Variants in PAN3 observed in about 807,000 individuals in gnomAD.
The protein encoded by PAN3 is PAN2-PAN3 deadenylation complex subunit PAN3.
PAN3 carries 19 observed loss-of-function variants against 96.2 expected under a neutral mutation model. The ratio of observed to expected loss-of-function variants is 0.20; its 90% CI spans 0.14 to 0.29. The LOEUF (loss-of-function observed/expected upper bound fraction) is 0.29. Ranked by LOEUF, PAN3 falls within the 10% of genes least tolerant of loss-of-function variation. PAN3 has a pLI of 1.00. For synonymous variants in PAN3, 433 were observed against 406.6 expected, an observed-to-expected ratio of 1.06 and a Z score of -0.78; for missense variants, 882 against 1,108.1, an observed-to-expected ratio of 0.80 and a Z score of 2.90.
chr13:28,144,200 TA>T lies in PAN3; in HGVS notation c.430+5115del, dbSNP rs775667139. ...TCTATAAGGTAATACTTGGTTTCGA[TA>T]AGTTTTTTTGTTTTTTTTTTTTTTT... is the stretch of plus-strand genomic sequence containing the variant. On this transcript the variant is annotated intron_variant, in intron 1 of 18. Coordinates refer to ENST00000380958, the MANE Select transcript of PAN3 (RefSeq NM_175854.8). 2.3e-3 allele frequency among the ~76,000 whole-genome samples: 335 copies of T among 148,156 alleles called. 1 individual carries two copies. Among genetic ancestry groups the T allele is most frequent in the African/African-American group, 7.8e-3 (311 of 39,830 alleles).
chr13:28,154,541 G>T (rs1370817945), intron 1 of PAN3, among the ~76,000 whole-genome samples: 1 of 151,956 alleles, frequency 6.6e-6, no homozygotes, highest in African/African-American at 2.4e-5. Flanking sequence ...GTCGCCCAGG[G>T]TGGAGTACAA....
At chr13:28,280,648 G>A in intron 16 of PAN3, 107 bp downstream of exon 16, 1 of 1,045,940 alleles carries the variant, frequency 9.6e-7, no homozygotes, top group Non-Finnish European at 1.3e-6. Flanking sequence ...TGTAACCTCT[G>A]CCTCCTGGGT....
intron 1 of PAN3, among the ~76,000 whole-genome samples, chr13:28,144,607 G>A (rs1229409292): frequency 4.6e-5 from 7 of 151,900 alleles, no homozygotes; most frequent in Admixed American, 2.0e-4. Flanking sequence ...CTGTAAAAGT[G>A]CATTTGATGA....
intron 6 of PAN3, among the ~76,000 whole-genome samples, chr13:28,244,667 T>C (rs1463231707): frequency 6.6e-6 from 1 of 152,144 alleles, no homozygotes; most frequent in Non-Finnish European, 1.5e-5. Flanking sequence ...CATTTTTCAG[T>C]GTCTAATGGT....
chr13:28,241,710 G>A (rs1040720955), intron 6 of PAN3, among the ~76,000 whole-genome samples: 1 of 152,162 alleles, frequency 6.6e-6, no homozygotes, highest in African/African-American at 2.4e-5. Flanking sequence ...GGCTATAAGT[G>A]TGTATTCTTT....
chr13:28,175,135 A>ATTTT (rs1453684533), intron 2 of PAN3, among the ~76,000 whole-genome samples: 1 of 152,240 alleles, frequency 6.6e-6, no homozygotes, highest in African/African-American at 2.4e-5. Context: ...CTGCCATAAT[A>ATTTT]GTAAAGGCAA....
chr13:28,195,081 A>G (rs968560673), intron 4 of PAN3, among the ~76,000 whole-genome samples: 1 of 152,152 alleles, frequency 6.6e-6, no homozygotes, highest in Non-Finnish European at 1.5e-5. Flanking sequence ...TTGGTTCAAG[A>G]TTGCATAAAG....
intron 4 of PAN3, among the ~76,000 whole-genome samples, chr13:28,193,753 A>AC (rs892723485): frequency 1.3e-5 from 2 of 149,860 alleles, no homozygotes; most frequent in Non-Finnish European, 3.0e-5. Flanking sequence ...AAAAAAAAAA[A>AC]AAACCCAAGA....
At chr13:28,281,945 A>G (rs1278546191) in intron 17 of PAN3, among the ~76,000 whole-genome samples, 28 of 151,896 alleles carry the variant, frequency 1.8e-4, no homozygotes. Flanking sequence ...TAATTTTTGT[A>G]TTTTTAGTGG....
intron 14 of PAN3, among the ~76,000 whole-genome samples, chr13:28,275,691 C>T (rs1455360037): frequency 6.6e-6 from 1 of 152,118 alleles, no homozygotes; most frequent in East Asian, 1.9e-4. Context: ...TGGAGTTCAT[C>T]ACAGTGTCCT....
chr13:28,263,201 T>C (rs1220240756), intron 9 of PAN3, among the ~76,000 whole-genome samples: 3 of 152,226 alleles, frequency 2.0e-5, no homozygotes, highest in Non-Finnish European at 4.4e-5. Context: ...ACTAAATCAA[T>C]GTGGTGATAG....
At chr13:28,287,371 G>A (rs45561942) in intron 17 of PAN3, among the ~76,000 whole-genome samples, 2 of 152,176 alleles carry the variant, frequency 1.3e-5, no homozygotes, top group East Asian at 1.9e-4. Flanking sequence ...AGCCAGGCGC[G>A]GCCCTAGATA....
At chr13:28,149,076 G>A (rs1393485681) in intron 1 of PAN3, among the ~76,000 whole-genome samples, 1 of 151,990 alleles carries the variant, frequency 6.6e-6, no homozygotes, top group African/African-American at 2.4e-5. Flanking sequence ...AACACTGTGT[G>A]GGGTGTGGCG....
chr13:28,218,877 C>A (rs1000881615), intron 5 of PAN3, among the ~76,000 whole-genome samples: 1 of 152,130 alleles, frequency 6.6e-6, no homozygotes, highest in East Asian at 1.9e-4. Context: ...CTGAAGTCCA[C>A]GTCTCTAGGC....
intron 6 of PAN3, among the ~76,000 whole-genome samples, chr13:28,224,187 G>A (rs9579169): frequency 0.094 from 14,253 of 152,064 alleles, 839 homozygotes; most frequent in African/African-American, 0.17. Flanking sequence ...TAATTTTATC[G>A]TGAGAACTAA....
intron 5 of PAN3, among the ~76,000 whole-genome samples, chr13:28,198,240 T>C (rs1389360912): frequency 6.6e-6 from 1 of 151,090 alleles, no homozygotes; most frequent in African/African-American, 2.4e-5. Flanking sequence ...AAGCCGAGAC[T>C]GCACCACTGC....
intron 1 of PAN3, among the ~76,000 whole-genome samples, chr13:28,149,536 G>A (rs537216779): frequency 2.6e-5 from 4 of 152,164 alleles, no homozygotes; most frequent in African/African-American, 4.8e-5. Context: ...CCTAGTAGTC[G>A]CTAGAAAGTT....
intron 12 of PAN3, among the ~76,000 whole-genome samples, chr13:28,270,067 A>G (rs958200185): frequency 8.5e-5 from 13 of 152,224 alleles, no homozygotes; most frequent in Admixed American, 7.9e-4. Flanking sequence ...CTCTACAAAG[A>G]AAAGAATATA....
chr13:28,167,662 C>T (rs1017730020), intron 1 of PAN3, among the ~76,000 whole-genome samples: 44 of 145,636 alleles, frequency 3.0e-4, no homozygotes, highest in Non-Finnish European at 4.5e-5. Flanking sequence ...TATGGTGAAA[C>T]CCTGTCTCTA....
Sources: gnomAD v4.1 joint callset for allele counts (sites outside exome capture counted in the v4.1 genomes callset) on GRCh38, gnomAD v4.1.1 for gene constraint, MANE v1.5 for transcripts, NCBI Gene and HGNC (gene_info 2026-07-23, HGNC 2026-07-21) for gene names.